Variants in PCNT observed in about 807,000 individuals in gnomAD.
The protein encoded by PCNT is kendrin.
A neutral mutation model predicts 380.4 loss-of-function variants in PCNT; 319 were observed. The ratio of observed to expected loss-of-function variants is 0.84; its 90% CI spans 0.77 to 0.92. PCNT has a LOEUF of 0.92. Ranked by LOEUF, PCNT falls within the 40% of genes least tolerant of loss-of-function variation. The probability of loss-of-function intolerance (pLI) is 0.00; values close to 1 mark genes in which losing one functional copy is unlikely to be tolerated. For missense variants in PCNT, 4,400 were observed against 4,255.3 expected (o/e 1.03, Z -0.95); for synonymous variants, 1,845 against 1,735.2 (o/e 1.06, Z -1.57).
intron 2 of PCNT, among the ~76,000 whole-genome samples, 172 bp from the exon 3 acceptor site, chr21:46,334,225 T>TA (rs961497221): frequency 6.6e-6 from 1 of 151,946 alleles, no homozygotes; most frequent in African/African-American, 2.4e-5. Context: ...AAAAAAATGT[T>TA]TAGAGCTTGG....
Position 46,414,694 on chromosome 21 carries a change from C to G in PCNT, c.6151-1375C>G, listed in dbSNP as rs1171134982. Among the ~76,000 whole-genome samples, 29 of 67,604 alleles carry G rather than the reference C, an allele frequency of 4.3e-4. 1 individual carries two copies. Among genetic ancestry groups the G allele is most frequent in the African/African-American group, 1.8e-3 (29 of 16,046 alleles). 44.4% of individuals were successfully genotyped at this position (67,604 alleles called of 152,430 possible). A position where few individuals can be genotyped will look rare whatever the true frequency, so the allele number is the denominator to read the frequency against. ...GCTCCTCCTCCTCCTCCTGGACACA[C>G]AGCTGCCCACACTCCTCCTCCTGGA... On this transcript the variant is annotated intron_variant, in intron 29 of 46. Coordinates refer to ENST00000359568, the MANE Select transcript of PCNT (RefSeq NM_006031.6).
At chr21:46,442,324 G>T (rs1234239986) in intron 43 of PCNT, among the ~76,000 whole-genome samples, 173 bp from the exon 44 acceptor site, 1 of 152,094 alleles carries the variant, frequency 6.6e-6, no homozygotes, top group African/African-American at 2.4e-5. Flanking sequence ...CACTTTGGAT[G>T]TGTGCACCCG....
chr21:46,325,545 T>C (rs1200054857), intron 1 of PCNT, among the ~76,000 whole-genome samples: 1 of 152,226 alleles, frequency 6.6e-6, no homozygotes, highest in Non-Finnish European at 1.5e-5. Context: ...TGAGAGACCA[T>C]TTTCTTGTGT....
intron 29 of PCNT, 66 bp downstream of exon 29, chr21:46,413,058 G>C (rs1421554618): frequency 1.4e-6 from 2 of 1,432,802 alleles, no homozygotes; most frequent in Non-Finnish European, 1.9e-6. Flanking sequence ...GCAAGGTGTG[G>C]GGAGCGGGGA....
Position 46,440,267 on chromosome 21 carries a change from G to A in PCNT, c.9393+65G>A, listed in dbSNP as rs1292525861. On this transcript the variant is annotated intron_variant, in intron 42 of 46. Transcript: ENST00000359568. ...TTAAGTCCTGGGTTTGCAAATTGCA[G>A]GCAAAGCATTTTTGTGACCACAAGG... 4.4e-6 allele frequency: 7 copies of A among 1,585,338 alleles called. No homozygotes were observed. The African/African-American group carries it at 9.4e-5, about 21-fold the overall frequency.
chr21:46,390,963 A>T (rs1165199316), intron 20 of PCNT, 131 bp downstream of exon 20: 22 of 1,242,336 alleles, frequency 1.8e-5, no homozygotes, highest in African/African-American at 6.0e-5. Flanking sequence ...CATGGGAGGC[A>T]CCCATGGTTT....
chr21:46,444,579 T>C, intron 45 of PCNT, 115 bp from the exon 46 acceptor site: 1 of 1,113,104 alleles, frequency 9.0e-7, no homozygotes, highest in Non-Finnish European at 1.3e-6. Flanking sequence ...TCCCCACGGG[T>C]CTGGTTGGCG....
At chr21:46,360,931 T>C (rs2084692623) in intron 13 of PCNT, among the ~76,000 whole-genome samples, 1 of 152,254 alleles carries the variant, frequency 6.6e-6, no homozygotes, top group African/African-American at 2.4e-5. Context: ...TCCGTTTCAC[T>C]GTTCATTTTC....
chr21:46,435,319 A>G (rs1465539091), intron 38 of PCNT, among the ~76,000 whole-genome samples: 1 of 151,088 alleles, frequency 6.6e-6, no homozygotes, highest in African/African-American at 2.4e-5. Flanking sequence ...TCTACCTTCT[A>G]GGTTCAAGTG....
Position 46,431,713 on chromosome 21 carries a change from A to G in PCNT, c.8249A>G (p.Glu2750Gly). The change falls in exon 38 of 47, where the codon GAG becomes GGG. Residue 2750 changes from glutamate (E) to glycine (G), a missense_variant. Coordinates refer to ENST00000359568, the MANE Select transcript of PCNT (RefSeq NM_006031.6). ...LSELQKDLAA[E>G]KSRTLELSEA... is the part of the protein sequence containing the mutation. ...GAGCTCCAGAAGGACCTTGCGGCTG[A>G]GAAGAGCCGCACCCTGGAGCTGTCA... 6.2e-7 allele frequency: 1 copy of G among 1,612,342 alleles called. No homozygotes were observed. The highest frequency in any genetic ancestry group is 8.5e-7 in the Non-Finnish European group (1 of 1,179,724).
chr21:46,441,467 A>C (rs528872221), intron 43 of PCNT, among the ~76,000 whole-genome samples: 1 of 152,248 alleles, frequency 6.6e-6, no homozygotes, highest in East Asian at 1.9e-4. Context: ...GCCTGTCTGG[A>C]GTAGCAGATG....
At chr21:46,353,751 T>TGTGTGTGTGAGA (rs59894003) in intron 10 of PCNT, among the ~76,000 whole-genome samples, 15 of 104,402 alleles carry the variant, frequency 1.4e-4, no homozygotes, top group African/African-American at 4.7e-4. Flanking sequence ...TGTGTGTGTG[T>TGTGTGTGTGAGA]GAGAGAGACA....
intron 28 of PCNT, among the ~76,000 whole-genome samples, chr21:46,412,378 G>A (rs2086818159): frequency 1.3e-5 from 2 of 152,326 alleles, no homozygotes; most frequent in East Asian, 3.9e-4. Context: ...TGTGAGGAGG[G>A]TCCGCTTAAG....
chr21:46,427,178 T>C (rs2087543858), intron 33 of PCNT, among the ~76,000 whole-genome samples: 2 of 152,244 alleles, frequency 1.3e-5, no homozygotes, highest in South Asian at 2.1e-4. Context: ...CTTTATCGTC[T>C]TTTTCAGTCT....
intron 24 of PCNT, among the ~76,000 whole-genome samples, 172 bp from the exon 25 acceptor site, chr21:46,399,418 T>G (rs80076431): frequency 3.9e-5 from 1 of 25,556 alleles, no homozygotes; most frequent in Non-Finnish European, 7.5e-5. Flanking sequence ...CCCTGTGCAG[T>G]CTTTGCGTCT....
intron 4 of PCNT, 26 bp from the exon 5 acceptor site, chr21:46,346,717 T>C: frequency 6.3e-7 from 1 of 1,585,378 alleles, no homozygotes; most frequent in African/African-American, 1.3e-5. Context: ...CATGGGCCCT[T>C]ATCAGAGGCC....
Position 46,334,249 on chromosome 21 carries a change from G to A in PCNT, c.268-148G>A, listed in dbSNP as rs541627225. ...TTTAGAGCTTGGGAATTGTTAATGC[G>A]GAAGGTGCACGTTCTGAACAGGTGG... On this transcript the variant is annotated intron_variant, in intron 2 of 46. Coordinates refer to ENST00000359568, the MANE Select transcript of PCNT (RefSeq NM_006031.6). 1.4e-4 allele frequency: 144 copies of A among 1,026,986 alleles called. No homozygotes were observed. The African/African-American group carries it at 1.7e-3, about 12-fold the overall frequency. The allele number at this position is 1,026,986 out of a possible 1,614,324, so 63.6% of individuals were successfully genotyped here. A position where few individuals can be genotyped will look rare whatever the true frequency, so the allele number is the denominator to read the frequency against.
intron 13 of PCNT, among the ~76,000 whole-genome samples, chr21:46,359,030 G>C (rs536008008): frequency 2.0e-5 from 3 of 151,284 alleles, no homozygotes; most frequent in Non-Finnish European, 2.9e-5. Flanking sequence ...GGATGGTCTC[G>C]ATCTCCTGAC....
intron 15 of PCNT, among the ~76,000 whole-genome samples, chr21:46,374,882 G>A (rs1054393961): frequency 2.0e-5 from 3 of 149,916 alleles, no homozygotes; most frequent in Non-Finnish European, 3.0e-5. Flanking sequence ...GTTACACAGA[G>A]CCCTGCCAAG....
Sources: allele counts gnomAD v4.1 joint callset (sites outside exome capture counted in the v4.1 genomes callset), GRCh38; gene constraint gnomAD v4.1.1; transcripts MANE v1.5; gene names NCBI Gene and HGNC (gene_info 2026-07-23, HGNC 2026-07-21).